Variants in RFTN1 observed in about 807,000 individuals in gnomAD.
The protein encoded by RFTN1 is raftlin, lipid raft linker 1.
Under a neutral mutation model 46.5 loss-of-function variants are expected in RFTN1, and 26 were observed. The ratio of observed to expected loss-of-function variants is 0.56; its 90% CI spans 0.41 to 0.78. The LOEUF is 0.78. Ranked by LOEUF, RFTN1 falls within the 30% of genes least tolerant of loss-of-function variation. The pLI is 0.00. For synonymous variants in RFTN1, 261 were observed against 284.2 expected (o/e 0.92, Z 0.82); for missense variants, 693 against 718.7 (o/e 0.96, Z 0.41).
rs2124985889 is a variant in RFTN1, at chr3:16,489,843, G to A, written c.145+3882C>T. On this transcript the variant is annotated intron_variant, in intron 2 of 9. Transcript: ENST00000334133. The surrounding 1 kb of genome is among the most constrained non-coding windows in gnomAD (Gnocchi z 4.0). ...GAATCACTTGAACCTGGGAGGCAGAGGTTGCAGTGAGCTGAGATCACAACA... is the reference window on the plus strand; with the variant it reads ...GAATCACTTGAACCTGGGAGGCAGAAGTTGCAGTGAGCTGAGATCACAACA... Among the ~76,000 whole-genome samples, 1 of 152,290 alleles carries A rather than the reference G, an allele frequency of 6.6e-6. No homozygotes were observed. Among genetic ancestry groups the A allele is most frequent in the Middle Eastern group, 3.4e-3 (1 of 294 alleles).
Position 16,489,713 on chromosome 3 carries a change from G to A in RFTN1, c.145+4012C>T, listed in dbSNP as rs1174885613. On this transcript the variant is annotated intron_variant, in intron 2 of 9. Transcript: ENST00000334133. The surrounding 1 kb of genome is among the most constrained non-coding windows in gnomAD (Gnocchi z 4.0). The stretch of plus-strand genomic sequence containing the variant: ...ACTTGAGGTCAGGAGTTCAAGACCA[G>A]CCTGGCCAACATTGTGAAACCCCAT... Among the ~76,000 whole-genome samples, 10 of 152,234 alleles carry A rather than the reference G, an allele frequency of 6.6e-5. No individual in the cohort carries two copies. The East Asian group carries it at 1.7e-3, about 26-fold the overall frequency.
In RFTN1 at chr3:16,317,037, C is replaced by T; in HGVS notation, c.1528G>A (p.Gly510Ser). ...TCTCCCTTGTCCTCTTGGACAGGGC[C>T]CTTCATCTCCTCGGAGACTCCACCC... is the stretch of plus-strand genomic sequence containing the variant. Reference protein sequence around the residue: ...QEGGVSEEMKGPVQEDKGEQL... With the variant: ...QEGGVSEEMKSPVQEDKGEQL... The change falls in exon 10 of 10, where the codon GGC (glycine) becomes AGC (serine). Residue 510 changes from glycine to serine, a missense_variant. Gly to Ser is a moderately conservative substitution (Grantham distance 56). Transcript: ENST00000334133. The surrounding 1 kb of genome is among the most constrained non-coding windows in gnomAD (Gnocchi z 4.3). The T allele has an allele frequency of 6.2e-7, 1 of 1,613,796 alleles. No individual in the cohort carries two copies. Among genetic ancestry groups the T allele is most frequent in the Non-Finnish European group, 8.5e-7 (1 of 1,179,952 alleles).
At chr3:16,330,677 C>T (rs58824769) in intron 7 of RFTN1, among the ~76,000 whole-genome samples, 74 of 152,238 alleles carry the variant, frequency 4.9e-4, no homozygotes, top group African/African-American at 1.7e-3. Context: ...TTTTTCAACT[C>T]GTATAAAAGG....
In RFTN1 at chr3:16,444,876, A is replaced by G. The variant is rs183949639; in HGVS notation, c.146-10839T>C. The stretch of plus-strand genomic sequence containing the variant: ...TTTACCAAAAACTGGGTAAGTCATC[A>G]TCTTATTTGTTGTTATTAATCTTTC... On this transcript the variant is annotated intron_variant, in intron 2 of 9. Transcript: ENST00000334133. 1.1e-4 allele frequency among the ~76,000 whole-genome samples: 16 copies of G among 152,332 alleles called. No individual in the cohort carries two copies. In the East Asian group the frequency reaches 1.9e-3, roughly 18 times the overall value.
chr3:16,362,646 G>A (rs1350136780), intron 6 of RFTN1, among the ~76,000 whole-genome samples: 2 of 152,146 alleles, frequency 1.3e-5, no homozygotes, highest in African/African-American at 4.8e-5. Flanking sequence ...ATTTCCTCAA[G>A]ACTACTACAA....
At chr3:16,365,821 T>C (rs1309330040) in intron 6 of RFTN1, among the ~76,000 whole-genome samples, 2 of 140,186 alleles carry the variant, frequency 1.4e-5, no homozygotes, top group African/African-American at 4.9e-5. Context: ...GATGAAACCA[T>C]CATGCAGGCC....
At position 16,323,415 on chromosome 3, in the gene RFTN1, T is replaced by G. The variant is rs775509662; in HGVS notation, c.1293A>C (p.Arg431Ser). Residue 431 changes from arginine to serine, a missense_variant, in exon 9 of 10, where the codon AGA becomes AGC. By Grantham distance (110) the Arg-to-Ser change is moderately radical. Transcript: ENST00000334133. The part of the protein sequence containing the change: ...VSTKQIVFLQ[R>S]PCLPQKIKKK... ...TCTTGATTTTCTGAGGTAGACAAGGTCTCTGAAGAAAGACAATCTGCTTGG... is the reference window on the plus strand; with the variant it reads ...TCTTGATTTTCTGAGGTAGACAAGGGCTCTGAAGAAAGACAATCTGCTTGG... The G allele has an allele frequency of 6.2e-7, 1 of 1,612,156 alleles. No individual in the cohort carries two copies. Among genetic ancestry groups the G allele is most frequent in the Non-Finnish European group, 8.5e-7 (1 of 1,178,350 alleles).
chr3:16,443,770 C>T lies in RFTN1; in HGVS notation c.146-9733G>A, dbSNP rs1575300979. ...CACACAACACACACACACACACACACACACACACACACACCACTGTACTGT... is the reference window on the plus strand; with the variant it reads ...CACACAACACACACACACACACACATACACACACACACACCACTGTACTGT... On this transcript the variant is annotated intron_variant, in intron 2 of 9. Transcript: ENST00000334133. This position sits in a 1 kb window ranked among gnomAD's most constrained non-coding sequence, Gnocchi z 5.5. 6.6e-6 allele frequency among the ~76,000 whole-genome samples: 1 copy of T among 152,046 alleles called. No individual in the cohort carries two copies. The highest frequency in any genetic ancestry group is 2.4e-5 in the African/African-American group (1 of 41,380).
At chr3:16,363,927 G>A (rs1371868483) in intron 6 of RFTN1, among the ~76,000 whole-genome samples, 1 of 152,188 alleles carries the variant, frequency 6.6e-6, no homozygotes, top group Admixed American at 6.5e-5. Context: ...TATGACATGT[G>A]ATCCCATGGC....
intron 1 of RFTN1, among the ~76,000 whole-genome samples, chr3:16,511,863 A>G (rs2076907457): frequency 6.6e-6 from 1 of 152,132 alleles, no homozygotes; most frequent in African/African-American, 2.4e-5. Context: ...TAACTGCACA[A>G]CACTCCACTT....
chr3:16,393,651 C>G (rs971172329), intron 4 of RFTN1, among the ~76,000 whole-genome samples: 2 of 141,702 alleles, frequency 1.4e-5, no homozygotes, highest in African/African-American at 5.7e-5. Context: ...AGCTGATGGA[C>G]TTTTTTTTTT....
intron 7 of RFTN1, among the ~76,000 whole-genome samples, chr3:16,331,963 A>T (rs1294930674): frequency 6.6e-6 from 1 of 152,248 alleles, no homozygotes; most frequent in Non-Finnish European, 1.5e-5. Context: ...GATGTCAGCA[A>T]TGCTATTGAG....
chr3:16,358,406 G>A (rs1165260796), intron 6 of RFTN1, among the ~76,000 whole-genome samples: 1 of 151,532 alleles, frequency 6.6e-6, no homozygotes. Flanking sequence ...ACAGTTTTTA[G>A]AAGCAAACTA....
Position 16,418,728 on chromosome 3 carries a change from A to G in RFTN1, c.333-9245T>C, listed in dbSNP as rs1284119870. Among the ~76,000 whole-genome samples, 2 of 152,154 alleles carry G rather than the reference A, an allele frequency of 1.3e-5. No individual in the cohort carries two copies. The highest frequency in any genetic ancestry group is 2.9e-5 in the Non-Finnish European group (2 of 68,028). On this transcript the variant is annotated intron_variant, in intron 3 of 9. Transcript: ENST00000334133. This position sits in a 1 kb window ranked among gnomAD's most constrained non-coding sequence, Gnocchi z 5.0. The stretch of plus-strand genomic sequence containing the variant: ...GGGAGAGAAATGAGCTAGAGATCTG[A>G]AAGAGATTTGTCAATGAAAGAAAAA...
At position 16,320,083 on chromosome 3, in the gene RFTN1, A is replaced by G. The variant is rs2068873909; in HGVS notation, c.1333-2851T>C. ...GAAAAAAAGAAATCCTTCACTTTAC[A>G]GCAGTGTGTGTCCAGAGTTCCATGT... On this transcript the variant is annotated intron_variant, in intron 9 of 9. Coordinates refer to ENST00000334133, the MANE Select transcript of RFTN1 (RefSeq NM_015150.2). This position sits in a 1 kb window ranked among gnomAD's most constrained non-coding sequence, Gnocchi z 4.5. 6.6e-6 allele frequency among the ~76,000 whole-genome samples: 1 copy of G among 152,246 alleles called. No homozygotes were observed. Among genetic ancestry groups the G allele is most frequent in the Non-Finnish European group, 1.5e-5 (1 of 68,034 alleles).
chr3:16,405,602 C>A (rs889381424), intron 4 of RFTN1, among the ~76,000 whole-genome samples: 3 of 152,146 alleles, frequency 2.0e-5, no homozygotes, highest in Admixed American at 2.0e-4. Flanking sequence ...GACACAGACA[C>A]AAATGACTTT....
intron 3 of RFTN1, among the ~76,000 whole-genome samples, chr3:16,417,961 C>G (rs534985807): frequency 1.6e-4 from 24 of 152,286 alleles, no homozygotes; most frequent in African/African-American, 5.1e-4. Flanking sequence ...TCCAGCTCGG[C>G]ATCCCAAAGT....
chr3:16,368,491 G>A (rs1400211243), intron 6 of RFTN1, among the ~76,000 whole-genome samples: 4 of 152,256 alleles, frequency 2.6e-5, no homozygotes, highest in African/African-American at 7.2e-5. Flanking sequence ...CTAACACAGC[G>A]AAACCCCATC....
intron 8 of RFTN1, among the ~76,000 whole-genome samples, chr3:16,324,549 G>A (rs1042059565): frequency 6.8e-6 from 1 of 148,062 alleles, no homozygotes; most frequent in Non-Finnish European, 1.5e-5. Context: ...TCTGTGCCTG[G>A]TTTATTTCAC....
Sources: gnomAD v4.1 joint callset for allele counts (sites outside exome capture counted in the v4.1 genomes callset) on GRCh38, gnomAD v4.1.1 for gene constraint, Gnocchi (gnomAD v3.1) non-coding constraint, MANE v1.5 for transcripts, NCBI Gene and HGNC (gene_info 2026-07-23, HGNC 2026-07-21) for gene names.